GALNT13: variants seen among roughly 807,000 people sequenced by gnomAD.
GALNT13 encodes the protein polypeptide N-acetylgalactosaminyltransferase 13, also known as UDP-GalNAc:polypeptide N-acetylgalactosaminyltransferase 13.
GALNT13 carries 28 observed loss-of-function variants against 64.2 expected under a neutral mutation model. The observed-to-expected ratio is 0.44, with a 90% confidence interval of 0.32 to 0.60. The LOEUF (loss-of-function observed/expected upper bound fraction) is 0.60. Ranked by LOEUF, GALNT13 falls within the 20% of genes least tolerant of loss-of-function variation. GALNT13 has a pLI of 0.05. For missense variants in GALNT13, 577 were observed against 669.8 expected, an observed-to-expected ratio of 0.86 and a Z score of 1.53; for synonymous variants, 214 against 224.6, an observed-to-expected ratio of 0.95 and a Z score of 0.42.
chr2:154,016,215 C>G (rs559225131), intron 3 of GALNT13, among the ~76,000 whole-genome samples: 1 of 152,134 alleles, frequency 6.6e-6, no homozygotes, highest in African/African-American at 2.4e-5. Context: ...TCCATCTAAG[C>G]TTTTTAAATT....
chr2:154,357,365 T>G (rs1303847365), intron 9 of GALNT13, among the ~76,000 whole-genome samples: 3 of 152,082 alleles, frequency 2.0e-5, no homozygotes, highest in East Asian at 1.9e-4. Context: ...TTTTCATATT[T>G]CATGTGAGTT....
At chr2:153,594,597 A>T in the GALNT13 span, among the ~76,000 whole-genome samples, 1 of 151,926 alleles carries the variant, frequency 6.6e-6, no homozygotes, top group Non-Finnish European at 1.5e-5. Flanking sequence ...TAATACCTTT[A>T]CCTTTCAGTT....
At chr2:153,106,829 C>T in the GALNT13 span, among the ~76,000 whole-genome samples, 1 of 152,066 alleles carries the variant, frequency 6.6e-6, no homozygotes, top group Non-Finnish European at 1.5e-5. Flanking sequence ...TTGTTATAAG[C>T]TCTGGGACTT....
intron 11 of GALNT13, among the ~76,000 whole-genome samples, chr2:154,410,983 T>G (rs1273930649): frequency 6.6e-6 from 1 of 151,902 alleles, no homozygotes; most frequent in Admixed American, 6.6e-5. Context: ...TCCTATATCT[T>G]ACTCCTGTTT....
intron 8 of GALNT13, among the ~76,000 whole-genome samples, chr2:154,274,835 T>A (rs1283475336): frequency 6.6e-6 from 1 of 150,658 alleles, no homozygotes; most frequent in Non-Finnish European, 1.5e-5. Context: ...GTTAGAAGAG[T>A]TTGGAGGGAT....
At chr2:153,358,574 T>C in the GALNT13 span, among the ~76,000 whole-genome samples, 30 of 152,312 alleles carry the variant, frequency 2.0e-4, no homozygotes, top group East Asian at 5.6e-3. Flanking sequence ...AAATAGCTGA[T>C]ATGGATATTT....
the GALNT13 span, among the ~76,000 whole-genome samples, chr2:153,195,098 G>A: frequency 6.6e-6 from 1 of 152,306 alleles, no homozygotes; most frequent in East Asian, 1.9e-4. Flanking sequence ...GTGGGGGGAT[G>A]AGTGGGTGTG....
At chr2:153,377,393 T>G in the GALNT13 span, among the ~76,000 whole-genome samples, 1 of 152,024 alleles carries the variant, frequency 6.6e-6, no homozygotes, top group Non-Finnish European at 1.5e-5. Flanking sequence ...CCCAGTGTGG[T>G]GGTGCTAGGG....
At chr2:153,828,164 C>T in the GALNT13 span, among the ~76,000 whole-genome samples, 1 of 152,218 alleles carries the variant, frequency 6.6e-6, no homozygotes, top group East Asian at 1.9e-4. Context: ...CTTTTCCAGG[C>T]ACGCAGTGCA....
At chr2:153,248,878 T>C in the GALNT13 span, among the ~76,000 whole-genome samples, 1 of 136,084 alleles carries the variant, frequency 7.3e-6, no homozygotes, top group Non-Finnish European at 1.6e-5. Flanking sequence ...TGAAGGAACA[T>C]ACCTCAAAAT....
chr2:153,126,515 G>T, the GALNT13 span, among the ~76,000 whole-genome samples: 1 of 152,002 alleles, frequency 6.6e-6, no homozygotes. Context: ...TAAGGTCACA[G>T]TGATAGAGTG....
At chr2:153,466,774 G>A in the GALNT13 span, among the ~76,000 whole-genome samples, 1 of 151,784 alleles carries the variant, frequency 6.6e-6, no homozygotes, top group Non-Finnish European at 1.5e-5. Flanking sequence ...TATTTTTCTG[G>A]GTTAAGTTTT....
the GALNT13 span, among the ~76,000 whole-genome samples, chr2:153,189,576 C>T: frequency 6.6e-6 from 1 of 152,058 alleles, no homozygotes; most frequent in Non-Finnish European, 1.5e-5. Context: ...TGCATGTATC[C>T]TTTTGACACA....
chr2:154,134,862 T>C (rs1366105354), intron 3 of GALNT13, among the ~76,000 whole-genome samples: 1 of 152,128 alleles, frequency 6.6e-6, no homozygotes, highest in African/African-American at 2.4e-5. Context: ...GACGGGCACC[T>C]GTAATTCCAG....
At chr2:153,456,580 C>T in the GALNT13 span, among the ~76,000 whole-genome samples, 22 of 152,274 alleles carry the variant, frequency 1.4e-4, no homozygotes, top group South Asian at 4.4e-3. Flanking sequence ...AGAAGAACAC[C>T]TAGTACCTAT....
chr2:154,152,135 A>G (rs917197552), intron 4 of GALNT13, among the ~76,000 whole-genome samples: 1 of 152,132 alleles, frequency 6.6e-6, no homozygotes, highest in African/African-American at 2.4e-5. Flanking sequence ...GGTGGTGACA[A>G]AATCTCTCAG....
At chr2:154,119,240 C>G (rs374768756) in intron 3 of GALNT13, among the ~76,000 whole-genome samples, 14 of 152,098 alleles carry the variant, frequency 9.2e-5, no homozygotes, top group African/African-American at 3.4e-4. Flanking sequence ...TTCTTCAGCA[C>G]TTTGAATATA....
At chr2:153,722,626 C>T in the GALNT13 span, among the ~76,000 whole-genome samples, 1 of 151,984 alleles carries the variant, frequency 6.6e-6, no homozygotes, top group South Asian at 2.1e-4. Context: ...GGGGATATCA[C>T]CACCGATCCC....
chr2:153,860,837 G>A, the GALNT13 span, among the ~76,000 whole-genome samples: 4 of 152,196 alleles, frequency 2.6e-5, no homozygotes, highest in Non-Finnish European at 5.9e-5. Flanking sequence ...ATGCATGATC[G>A]TGTGTATGAT....
Sources: allele counts gnomAD v4.1 joint callset (sites outside exome capture counted in the v4.1 genomes callset), GRCh38; gene constraint gnomAD v4.1.1; transcripts MANE v1.5; gene names NCBI Gene and HGNC (gene_info 2026-07-23, HGNC 2026-07-21).